NPNT: variants seen among roughly 807,000 people sequenced by gnomAD.
The protein encoded by NPNT is preosteoblast EGF-like repeat protein with MAM domain.
Under a neutral mutation model 68.6 loss-of-function variants are expected in NPNT, and 45 were observed. The ratio of observed to expected loss-of-function variants is 0.66; its 90% CI spans 0.52 to 0.84. NPNT has a LOEUF of 0.84. Among genes scored for constraint, NPNT ranks in the 40% least tolerant of loss-of-function variants. NPNT has a pLI of 0.00. For synonymous variants in NPNT, 233 were observed against 253.3 expected, an observed-to-expected ratio of 0.92 and a Z score of 0.76; for missense variants, 672 against 714.8, an observed-to-expected ratio of 0.94 and a Z score of 0.68.
At chr4:105,900,651 T>C (rs928645171) in intron 2 of NPNT, among the ~76,000 whole-genome samples, 1 of 152,138 alleles carries the variant, frequency 6.6e-6, no homozygotes, top group Admixed American at 6.5e-5. Flanking sequence ...TCCTTCCCTC[T>C]AGGACTCAGG....
At chr4:105,903,993 C>T (rs1726658460) in intron 2 of NPNT, among the ~76,000 whole-genome samples, 1 of 151,952 alleles carries the variant, frequency 6.6e-6, no homozygotes, top group Non-Finnish European at 1.5e-5. Context: ...CCATGTTGCT[C>T]AGGCTGGTCT....
chr4:105,958,709 G>A, intron 9 of NPNT, 152 bp downstream of exon 9: 2 of 518,172 alleles, frequency 3.9e-6, no homozygotes, highest in East Asian at 3.1e-5. Flanking sequence ...AATCAGTTGA[G>A]CAAAAATAAT....
chr4:105,919,315 C>G (rs987761735), intron 2 of NPNT, among the ~76,000 whole-genome samples: 1 of 151,922 alleles, frequency 6.6e-6, no homozygotes, highest in Non-Finnish European at 1.5e-5. Flanking sequence ...ACTTACAGAC[C>G]TAATGACACT....
At chr4:105,929,629 T>A (rs1197131564) in intron 3 of NPNT, 1 of 151,920 alleles carries the variant, frequency 6.6e-6, no homozygotes, top group Non-Finnish European at 1.5e-5. Flanking sequence ...CTCAGTATAC[T>A]TTTTTTAAAG....
At chr4:105,932,794 C>A in intron 3 of NPNT, 1 of 875,602 alleles carries the variant, frequency 1.1e-6, no homozygotes, top group Non-Finnish European at 1.8e-6. Flanking sequence ...TGAAGACTAG[C>A]CCAGGAGTGT....
At chr4:105,907,575 A>C (rs1177104717) in intron 2 of NPNT, among the ~76,000 whole-genome samples, 1 of 152,172 alleles carries the variant, frequency 6.6e-6, no homozygotes, top group Non-Finnish European at 1.5e-5. Flanking sequence ...AGATAGTAAA[A>C]TGTAGCCAAG....
chr4:105,900,835 T>G (rs1190421365), intron 2 of NPNT, among the ~76,000 whole-genome samples: 4 of 95,362 alleles, frequency 4.2e-5, no homozygotes, highest in African/African-American at 1.3e-4. Context: ...CCCTTGGTTG[T>G]TTTTTTTTTT....
chr4:105,965,817 C>T (rs1732083222), intron 10 of NPNT, among the ~76,000 whole-genome samples: 1 of 152,144 alleles, frequency 6.6e-6, no homozygotes, highest in Non-Finnish European at 1.5e-5. Context: ...TTTGCTGTAT[C>T]CTTGGAACAT....
chr4:105,954,246 G>T (rs956691967), intron 8 of NPNT, among the ~76,000 whole-genome samples: 2 of 152,316 alleles, frequency 1.3e-5, no homozygotes, highest in Non-Finnish European at 1.5e-5. Context: ...CCTTTATCCA[G>T]CTGTCACTTG....
intron 2 of NPNT, chr4:105,912,043 C>T (rs917827112): frequency 3.1e-6 from 2 of 645,910 alleles, no homozygotes; most frequent in East Asian, 2.8e-5. Context: ...TTAAACATGT[C>T]CTAGATTTTT....
chr4:105,932,650 A>T, intron 3 of NPNT: 1 of 1,536,038 alleles, frequency 6.5e-7, no homozygotes, highest in Non-Finnish European at 8.7e-7. Flanking sequence ...CAAGGCAGTG[A>T]ACAGCCTCTT....
intron 2 of NPNT, among the ~76,000 whole-genome samples, chr4:105,915,584 T>G (rs1007849264): frequency 6.6e-6 from 1 of 152,124 alleles, no homozygotes; most frequent in African/African-American, 2.4e-5. Flanking sequence ...TTCAGTAACA[T>G]GGTGGCTGCA....
At chr4:105,966,918 C>T (rs13108005) in intron 10 of NPNT, among the ~76,000 whole-genome samples, 88,481 of 151,920 alleles carry the variant, frequency 0.58, 26,437 homozygotes, top group East Asian at 0.78. Flanking sequence ...TCATATTCCA[C>T]TGGAAATATT....
Position 105,958,524 on chromosome 4 carries a change from G to C in NPNT, c.1213G>C (p.Val405Leu), listed in dbSNP as rs777303139. 3.7e-6 allele frequency: 6 copies of C among 1,610,564 alleles called. No homozygotes were observed. The highest frequency in any genetic ancestry group is 5.1e-6 in the Non-Finnish European group (6 of 1,177,498). The change falls in exon 9 of 12, where the codon GTC (valine) becomes CTC (leucine). Residue 405 changes from valine (V) to leucine (L), a missense_variant. By Grantham distance (32) the Val-to-Leu change is conservative. Transcript: ENST00000379987. ...LFEIFEIERG[V>L]SADDEAKDDP... ...TGAAATATTTGAAATAGAAAGAGGA[G>C]TCAGTGCAGACGATGAAGCAAAGGA...
intron 4 of NPNT, among the ~76,000 whole-genome samples, chr4:105,938,075 C>T (rs1320069471): frequency 6.6e-6 from 1 of 152,104 alleles, no homozygotes; most frequent in Non-Finnish European, 1.5e-5. Flanking sequence ...TTTCCTTGGC[C>T]ACTGGAAAAA....
chr4:105,960,027 G>T (rs7438349), intron 10 of NPNT, among the ~76,000 whole-genome samples: 128,362 of 152,022 alleles, frequency 0.84, 55,351 homozygotes, highest in East Asian at 1. Context: ...AGCCAGGATG[G>T]TCTCGATCTC....
chr4:105,967,231 A>G lies in NPNT; in HGVS notation c.1389A>G (p.Gly463=). 1 of 1,613,840 alleles carries G rather than the reference A, an allele frequency of 6.2e-7. No homozygotes were observed. The highest frequency in any genetic ancestry group is 8.5e-7 in the Non-Finnish European group (1 of 1,179,940). The change falls in exon 11 of 12, where the codon GGA becomes GGG. Residue 463 remains glycine, a synonymous_variant. Coordinates refer to ENST00000379987, the MANE Select transcript of NPNT (RefSeq NM_001033047.3). The part of the protein sequence containing the change: ...LTVSAAKAPG[G]KAARLVLPLG... ...TGTCGGCAGCCAAAGCCCCAGGGGGAAAAGCTGCACGCTTGGTGCTACCTC... is the reference window on the plus strand; with the variant it reads ...TGTCGGCAGCCAAAGCCCCAGGGGGGAAAGCTGCACGCTTGGTGCTACCTC...
At chr4:105,911,392 A>G (rs775198105) in intron 2 of NPNT, among the ~76,000 whole-genome samples, 1 of 152,158 alleles carries the variant, frequency 6.6e-6, no homozygotes, top group Non-Finnish European at 1.5e-5. Flanking sequence ...CAAATTATAC[A>G]AATAAATATA....
intron 2 of NPNT, among the ~76,000 whole-genome samples, chr4:105,910,797 G>A (rs964035927): frequency 2.0e-5 from 3 of 152,056 alleles, no homozygotes; most frequent in African/African-American, 7.2e-5. Flanking sequence ...TTTATGCCAA[G>A]TAGGAAAAAT....
Sources: allele counts gnomAD v4.1 joint callset (sites outside exome capture counted in the v4.1 genomes callset), GRCh38; gene constraint gnomAD v4.1.1; transcripts MANE v1.5; gene names NCBI Gene and HGNC (gene_info 2026-07-23, HGNC 2026-07-21).